The following GALNT16 variants were observed in gnomAD, a reference collection of about 807,000 sequenced individuals.
GALNT16 encodes polypeptide N-acetylgalactosaminyltransferase 16, also known as UDP-GalNAc:polypeptide N-acetylgalactosaminyltransferase-like protein 1.
GALNT16 carries 40 observed loss-of-function variants against 76.1 expected under a neutral mutation model. The ratio of observed to expected loss-of-function variants is 0.53; its 90% CI spans 0.41 to 0.68. The LOEUF is 0.68. Ranked by LOEUF, GALNT16 falls within the 30% of genes least tolerant of loss-of-function variation. The pLI is 0.00. For synonymous variants in GALNT16, 276 were observed against 285.2 expected (o/e 0.97, Z 0.32); for missense variants, 621 against 731.9 (o/e 0.85, Z 1.75).
intron 12 of GALNT16, 98 bp from the exon 13 acceptor site, chr14:69,346,942 C>A: frequency 6.7e-7 from 1 of 1,484,696 alleles, no homozygotes; most frequent in Non-Finnish European, 9.4e-7. Context: ...ACGGAGACCT[C>A]GGCGCTCCCA....
intron 12 of GALNT16, among the ~76,000 whole-genome samples, chr14:69,343,147 G>A (rs767502446): frequency 5.9e-5 from 9 of 152,144 alleles, no homozygotes; most frequent in South Asian, 4.1e-4. Context: ...AGCCGCATGC[G>A]CCCTCTATAG....
chr14:69,351,459 A>G (rs1441405869), intron 14 of GALNT16: 1 of 152,282 alleles, frequency 6.6e-6, no homozygotes, highest in Non-Finnish European at 1.5e-5. Flanking sequence ...GTAAATAAAC[A>G]CAGGGGACTT....
rs756538848 is a variant in GALNT16, at chr14:69,341,744, G to T, written c.1251G>T (p.Glu417Asp). ...GCAAGTCCTTCCGCTGGTACCTGGA[G>T]AACGTCTACCCAGAGCTCACGTGAG... Reference protein sequence around the residue: ...MNCKSFRWYLENVYPELTVPV... With the variant: ...MNCKSFRWYLDNVYPELTVPV... Residue 417 changes from glutamate (E) to aspartate (D), a missense_variant, in exon 12 of 15, where the codon GAG becomes GAT. Coordinates refer to ENST00000448469, the MANE Select transcript of GALNT16 (RefSeq NM_001168368.2). 3.1e-6 allele frequency: 5 copies of T among 1,612,784 alleles called. No homozygotes were observed. Among genetic ancestry groups the T allele is most frequent in the Non-Finnish European group, 4.2e-6 (5 of 1,179,014 alleles).
chr14:69,338,685 T>C lies in GALNT16; in HGVS notation c.1002T>C (p.Ser334=), dbSNP rs755771930. Residue 334 remains serine, a synonymous_variant, in exon 10 of 15, where the codon AGT becomes AGC. Transcript: ENST00000448469. ...TCAGGGTGTGGATGTGTGGTGGCAG[T>C]CTGGAGATCGTCCCCTGCAGCCGGG... The part of the protein sequence containing the change: ...LSFRVWMCGG[S]LEIVPCSRVG... 3.1e-6 allele frequency: 5 copies of C among 1,613,452 alleles called. No individual in the cohort carries two copies. The highest frequency in any genetic ancestry group is 1.7e-6 in the Non-Finnish European group (2 of 1,179,760).
the GALNT16 span, among the ~76,000 whole-genome samples, chr14:69,362,253 A>G: frequency 2.6e-5 from 4 of 152,130 alleles, no homozygotes; most frequent in African/African-American, 9.7e-5. Context: ...TTTGTTCCCA[A>G]TGTCCTCCCG....
At chr14:69,291,215 G>A (rs1262800385) in intron 1 of GALNT16, among the ~76,000 whole-genome samples, 1 of 152,142 alleles carries the variant, frequency 6.6e-6, no homozygotes, top group Non-Finnish European at 1.5e-5. Context: ...GATTGCTTGA[G>A]CCTAGGAGGC....
intron 1 of GALNT16, among the ~76,000 whole-genome samples, chr14:69,311,822 T>C (rs2140151893): frequency 6.6e-6 from 1 of 152,278 alleles, no homozygotes; most frequent in East Asian, 1.9e-4. Context: ...CCTCAGTTGG[T>C]GGGGCAGAAG....
At chr14:69,265,711 C>A (rs537728853) in intron 1 of GALNT16, among the ~76,000 whole-genome samples, 1 of 152,368 alleles carries the variant, frequency 6.6e-6, no homozygotes, top group South Asian at 2.1e-4. Context: ...AGGAGCCGAG[C>A]TTTCAGACAT....
intron 2 of GALNT16, among the ~76,000 whole-genome samples, chr14:69,321,564 G>A (rs76673103): frequency 0.027 from 4,162 of 151,920 alleles, 210 homozygotes; most frequent in African/African-American, 0.096. Context: ...ACCACCCCCC[G>A]CTCCCCATGA....
At chr14:69,287,840 C>T (rs768736917) in intron 1 of GALNT16, among the ~76,000 whole-genome samples, 2 of 152,116 alleles carry the variant, frequency 1.3e-5, no homozygotes, top group Non-Finnish European at 2.9e-5. Context: ...ATACGCTAAC[C>T]AAAAATCCTA....
At chr14:69,274,604 T>C (rs1024871826) in intron 1 of GALNT16, among the ~76,000 whole-genome samples, 1 of 152,166 alleles carries the variant, frequency 6.6e-6, no homozygotes, top group Non-Finnish European at 1.5e-5. Flanking sequence ...TGCATCTTAA[T>C]AGTATGGTGG....
chr14:69,278,998 A>G (rs2044507431), intron 1 of GALNT16, among the ~76,000 whole-genome samples: 1 of 151,140 alleles, frequency 6.6e-6, no homozygotes, highest in Non-Finnish European at 1.5e-5. Flanking sequence ...GTGGCACAGT[A>G]TCAGCTCACT....
Position 69,352,092 on chromosome 14 carries a change from AG to A in GALNT16, c.1602del (p.Lys534AsnfsTer6), listed in dbSNP as rs748661164. The A allele has an allele frequency of 1.9e-6, 3 of 1,614,026 alleles. No homozygotes were observed. The South Asian group carries it at 3.3e-5, about 18-fold the overall frequency. On this transcript the variant is annotated frameshift_variant, in exon 15 of 15. Coordinates refer to ENST00000448469, the MANE Select transcript of GALNT16 (RefSeq NM_001168368.2). LOFTEE classifies it high-confidence loss of function. ...GTCAGTGGCCTCTGCCTGGAGACAA[AG>A]CCTGCCCAGCTGGTGACCAGCAAGT... ...HSVSGLCLET[K>X]PAQLVTSKCQ... is the part of the protein sequence containing the mutation.
chr14:69,281,981 C>G (rs1368533279), intron 1 of GALNT16, among the ~76,000 whole-genome samples: 1 of 152,174 alleles, frequency 6.6e-6, no homozygotes, highest in Non-Finnish European at 1.5e-5. Flanking sequence ...ACTTCAAAGA[C>G]TAAGTGTTAG....
chr14:69,298,841 C>T (rs1316037072), intron 1 of GALNT16, among the ~76,000 whole-genome samples: 1 of 152,228 alleles, frequency 6.6e-6, no homozygotes, highest in Non-Finnish European at 1.5e-5. Flanking sequence ...TCTGCCTTTA[C>T]CCAAGGGCTG....
chr14:69,340,312 GAT>G (rs911903933), intron 11 of GALNT16, among the ~76,000 whole-genome samples: 26 of 152,174 alleles, frequency 1.7e-4, no homozygotes, highest in African/African-American at 5.8e-4. Flanking sequence ...TCAAGTCCCT[GAT>G]ATAAAATAGT....
chr14:69,316,892 A>G (rs1359836512), intron 1 of GALNT16, among the ~76,000 whole-genome samples: 3 of 152,012 alleles, frequency 2.0e-5, no homozygotes, highest in Non-Finnish European at 4.4e-5. Flanking sequence ...GTATTCATTC[A>G]TTTACTTATC....
chr14:69,382,810 G>T, the GALNT16 span, among the ~76,000 whole-genome samples: 2 of 136,844 alleles, frequency 1.5e-5, no homozygotes, highest in African/African-American at 5.4e-5. Flanking sequence ...AAAAAAAAAA[G>T]CAATAATGCC....
Position 69,347,175 on chromosome 14 carries a change from C to T in GALNT16, c.1407C>T (p.Pro469=), listed in dbSNP as rs776983156. The change falls in exon 13 of 15, where the codon CCC becomes CCT. Residue 469 remains proline, a synonymous_variant. Coordinates refer to ENST00000448469, the MANE Select transcript of GALNT16 (RefSeq NM_001168368.2). ...GAGGGTCTGCCAAGAACCCGCAGCC[C>T]GCCCAGGTAAGGACCTCGGGTAGGA... is the stretch of plus-strand genomic sequence containing the variant. ...ICRGSAKNPQ[P]AQAWLFSDHL... The T allele has an allele frequency of 3.0e-5, 48 of 1,607,376 alleles. No individual in the cohort carries two copies. In the East Asian group the frequency reaches 7.4e-4, roughly 25 times the overall value.
Sources: gnomAD v4.1 joint callset for allele counts (sites outside exome capture counted in the v4.1 genomes callset) on GRCh38, gnomAD v4.1.1 for gene constraint, MANE v1.5 for transcripts, NCBI Gene and HGNC (gene_info 2026-07-23, HGNC 2026-07-21) for gene names.